The following WBP1 variants were observed in gnomAD, a reference collection of about 807,000 sequenced individuals.
The protein encoded by WBP1 is WW domain-binding protein 1.
A neutral mutation model predicts 25.6 loss-of-function variants in WBP1; 18 were observed. That is an observed-to-expected ratio of 0.70 (90% confidence interval 0.49 to 1.04). The LOEUF is 1.04. Among genes scored for constraint, WBP1 ranks in the 50% least tolerant of loss-of-function variants. The pLI, the probability that WBP1 is intolerant of heterozygous loss-of-function variation, is 0.00. For synonymous variants in WBP1, 122 were observed against 137.7 expected, an observed-to-expected ratio of 0.89 and a Z score of 0.80; for missense variants, 330 against 352.9, an observed-to-expected ratio of 0.94 and a Z score of 0.52.
chr2:74,460,118 C>T (rs903794468), intron 3 of WBP1, 69 bp downstream of exon 3: 607 of 1,558,618 alleles, frequency 3.9e-4, no homozygotes, highest in Non-Finnish European at 5.2e-4. Context: ...AATCGTCTCA[C>T]ATTCCCTTTT....
intron 1 of WBP1, chr2:74,459,109 C>G (rs961578789): frequency 2.1e-5 from 33 of 1,544,194 alleles, no homozygotes; most frequent in Non-Finnish European, 2.7e-5. Context: ...GTTGGGAGCA[C>G]TGCTCTGGGT....
At chr2:74,459,253 G>A in intron 1 of WBP1, 3 of 1,023,890 alleles carry the variant, frequency 2.9e-6, no homozygotes, top group Non-Finnish European at 2.6e-6. Context: ...GCTACCCGTT[G>A]TCTGAGACTG....
In WBP1 at chr2:74,460,283, C is replaced by T. The variant is rs1176771642; in HGVS notation, c.412C>T (p.Pro138Ser). The T allele has an allele frequency of 6.2e-7, 1 of 1,607,104 alleles. No homozygotes were observed. The highest frequency in any genetic ancestry group is 1.1e-5 in the South Asian group (1 of 90,698). ...EDVVHRPGTP[P>S]PPYTVAPGRP... ...TGTGGTTCACCGCCCAGGCACACCA[C>T]CCCCCCCTTATACTGTGGCCCCAGG... Residue 138 changes from proline to serine, a missense_variant, in exon 4 of 4, where the codon CCC becomes TCC. Transcript: ENST00000233615.
chr2:74,459,348 G>GGTTTGGGGGGTGGGGC, intron 1 of WBP1: 1 of 492,098 alleles, frequency 2.0e-6, no homozygotes, highest in Non-Finnish European at 3.8e-6. Flanking sequence ...GGGGGTTGGG[G>GGTTTGGGGGGTGGGGC]AGAGTGAGGC....
intron 1 of WBP1, chr2:74,459,111 G>C: frequency 6.5e-7 from 1 of 1,543,888 alleles, no homozygotes; most frequent in East Asian, 2.4e-5. Flanking sequence ...TGGGAGCACT[G>C]CTCTGGGTCT....
rs1303302505 is a variant in WBP1 at position 74,459,852 on chromosome 2, C to T, written c.173-21C>T. The T allele has an allele frequency of 1.9e-6, 3 of 1,612,602 alleles. No individual in the cohort carries two copies. In the African/African-American group the frequency reaches 4.0e-5, roughly 22 times the overall value. ...CTCTGCATGAAAGATGCCTGAGTTG[C>T]TCCCTCCTTGCCTCTTGCAGGGTTC... On this transcript the variant is annotated intron_variant, in intron 2 of 3. Coordinates refer to ENST00000233615, the MANE Select transcript of WBP1 (RefSeq NM_012477.4).
chr2:74,458,706 C>T (rs368986870), intron 1 of WBP1, 35 bp downstream of exon 1: 171 of 1,552,968 alleles, frequency 1.1e-4, no homozygotes, highest in Middle Eastern at 3.3e-4. Flanking sequence ...TCACGACAGC[C>T]ATTTGTCTCT....
chr2:74,459,645 T>G lies in WBP1; in HGVS notation c.72T>G (p.Leu24=). 6.2e-7 allele frequency: 1 copy of G among 1,614,014 alleles called. No individual in the cohort carries two copies. The highest frequency in any genetic ancestry group is 8.5e-7 in the Non-Finnish European group (1 of 1,179,990). The change falls in exon 2 of 4, where the codon CTT becomes CTG. Residue 24 remains leucine (L), a splice_region_variant and synonymous_variant. Coordinates refer to ENST00000233615, the MANE Select transcript of WBP1 (RefSeq NM_012477.4). The part of the protein sequence containing the change: ...WGALRAPQQQ[L]RELCPGVNNQ... ...TCTAAGTGCCTCCTTGCCCGCAGCT[T>G]CGAGAGCTGTGCCCAGGAGTGAACA...
At position 74,460,319 on chromosome 2, in the gene WBP1, ACTG is replaced by A; in HGVS notation, c.451_453del (p.Ala151del). 6.2e-7 allele frequency: 1 copy of A among 1,612,652 alleles called. No homozygotes were observed. The highest frequency in any genetic ancestry group is 2.2e-5 in the East Asian group (1 of 44,682). ...TACTGTGGCCCCAGGCCGCCCCTTG[ACTG>A]CTTCCAGTGAACAAACCTGCTGTTC... is the stretch of plus-strand genomic sequence containing the variant. On this transcript the variant is annotated inframe_deletion, in exon 4 of 4. Transcript: ENST00000233615.
rs1484011229 is a variant in WBP1 at position 74,459,734 on chromosome 2, A to G, written c.161A>G (p.Tyr54Cys). ...GAGACTGGCTGCTGCACCTACTACTATGAGCTCTGGTGTAAGTCTCCAAGA... is the reference window on the plus strand; with the variant it reads ...GAGACTGGCTGCTGCACCTACTACTGTGAGCTCTGGTGTAAGTCTCCAAGA... ...CGETGCCTYY[Y>C]ELWWFWLLWT... Residue 54 changes from tyrosine to cysteine, a missense_variant, in exon 2 of 4, where the codon TAT (tyrosine) becomes TGT (cysteine). Transcript: ENST00000233615. The G allele has an allele frequency of 1.9e-6, 3 of 1,614,080 alleles. No homozygotes were observed. Among genetic ancestry groups the G allele is most frequent in the South Asian group, 2.2e-5 (2 of 91,084 alleles).
chr2:74,459,027 A>C, intron 1 of WBP1: 2 of 1,550,450 alleles, frequency 1.3e-6, no homozygotes, highest in Non-Finnish European at 1.7e-6. Context: ...TGAGGGAGCA[A>C]TTTGGAGAAG....
chr2:74,459,514 C>A, intron 1 of WBP1, 129 bp from the exon 2 acceptor site: 1 of 819,700 alleles, frequency 1.2e-6, no homozygotes, highest in South Asian at 1.6e-5. Flanking sequence ...CAGCATCCTC[C>A]ACTTCCCCCA....
intron 1 of WBP1, chr2:74,459,311 C>T (rs1181043572): frequency 1.3e-5 from 7 of 527,956 alleles, no homozygotes; most frequent in Non-Finnish European, 1.9e-5. Context: ...ACTCCCTTAA[C>T]AGAAAGCACC....
At chr2:74,459,279 G>A in intron 1 of WBP1, 1 of 767,976 alleles carries the variant, frequency 1.3e-6, no homozygotes, top group Non-Finnish European at 1.8e-6. Context: ...ATCTCAGACT[G>A]TCTTCTGGCT....
Position 74,459,822 on chromosome 2 carries a change from C to T in WBP1, c.173-51C>T, listed in dbSNP as rs763915626. ...ACCTCAGAATTTCGGCCTTCAGGGC[C>T]CCTTCTCTGCATGAAAGATGCCTGA... is the stretch of plus-strand genomic sequence containing the variant. On this transcript the variant is annotated intron_variant, in intron 2 of 3. Transcript: ENST00000233615. The T allele has an allele frequency of 2.8e-4, 451 of 1,612,974 alleles. 8 individuals carry two copies. The South Asian group carries it at 4.7e-3, about 17-fold the overall frequency.
At position 74,460,338 on chromosome 2, in the gene WBP1, C is replaced by T. The variant is rs774043546; in HGVS notation, c.467C>T (p.Thr156Ile). 1 of 1,613,982 alleles carries T rather than the reference C, an allele frequency of 6.2e-7. No individual in the cohort carries two copies. The highest frequency in any genetic ancestry group is 8.5e-7 in the Non-Finnish European group (1 of 1,179,986). ...CCCTTGACTGCTTCCAGTGAACAAA[C>T]CTGCTGTTCCTCCTCATCCAGCTGC... ...GRPLTASSEQTCCSSSSSCPA... is the reference protein window; with the variant it reads ...GRPLTASSEQICCSSSSSCPA... Residue 156 changes from threonine to isoleucine, a missense_variant, in exon 4 of 4, where the codon ACC becomes ATC. Thr to Ile is a moderately conservative substitution (Grantham distance 89, BLOSUM62 -1). Coordinates refer to ENST00000233615, the MANE Select transcript of WBP1 (RefSeq NM_012477.4).
At chr2:74,460,159 T>G in intron 3 of WBP1, 62 bp from the exon 4 acceptor site, 3 of 1,570,836 alleles carry the variant, frequency 1.9e-6, no homozygotes, top group Non-Finnish European at 2.6e-6. Context: ...TTCCCTAATA[T>G]AAAAACTAGC....
At position 74,459,853 on chromosome 2, in the gene WBP1, T is replaced by C; in HGVS notation, c.173-20T>C. 2 of 1,612,832 alleles carry C rather than the reference T, an allele frequency of 1.2e-6. No homozygotes were observed. Among genetic ancestry groups the C allele is most frequent in the Non-Finnish European group, 1.7e-6 (2 of 1,179,006 alleles). On this transcript the variant is annotated intron_variant, in intron 2 of 3. Transcript: ENST00000233615. ...TCTGCATGAAAGATGCCTGAGTTGC[T>C]CCCTCCTTGCCTCTTGCAGGGTTCT...
chr2:74,459,526 C>T, intron 1 of WBP1, 117 bp from the exon 2 acceptor site: 1 of 917,714 alleles, frequency 1.1e-6, no homozygotes, highest in Non-Finnish European at 1.7e-6. Context: ...CTTCCCCCAT[C>T]TCTCCAAGCT....
Sources: gnomAD v4.1 joint callset for allele counts on GRCh38, gnomAD v4.1.1 for gene constraint, MANE v1.5 for transcripts, NCBI Gene and HGNC (gene_info 2026-07-23, HGNC 2026-07-21) for gene names.